EML6: variants seen among roughly 807,000 people sequenced by gnomAD.
EML6 encodes the protein echinoderm microtubule-associated protein-like 6.
Under a neutral mutation model 240.1 loss-of-function variants are expected in EML6, and 154 were observed. The ratio of observed to expected loss-of-function variants is 0.64; its 90% CI spans 0.56 to 0.73. The LOEUF (loss-of-function observed/expected upper bound fraction) is 0.73. Among genes scored for constraint, EML6 ranks in the 30% least tolerant of loss-of-function variants. The probability of loss-of-function intolerance (pLI) is 0.00; values close to 1 mark genes in which losing one functional copy is unlikely to be tolerated. For synonymous variants in EML6, 1,148 were observed against 899.0 expected (o/e 1.28, Z -4.95); for missense variants, 2,964 against 2,474.6 (o/e 1.20, Z -4.20).
chr2:54,943,368 C>T (rs575579604), intron 28 of EML6, among the ~76,000 whole-genome samples: 1 of 152,172 alleles, frequency 6.6e-6, no homozygotes, highest in Non-Finnish European at 1.5e-5. Context: ...GTGTCACTCT[C>T]CCACAGCCAG....
intron 3 of EML6, among the ~76,000 whole-genome samples, chr2:54,816,116 G>C (rs1037203066): frequency 1.3e-5 from 2 of 152,158 alleles, no homozygotes; most frequent in Non-Finnish European, 2.9e-5. Context: ...CTCCTTATAA[G>C]TGATATCCTG....
At chr2:54,884,983 G>A (rs1672044136) in intron 17 of EML6, among the ~76,000 whole-genome samples, 1 of 151,938 alleles carries the variant, frequency 6.6e-6, no homozygotes, top group Non-Finnish European at 1.5e-5. Context: ...AGATCAGCCC[G>A]GCCCCCGTCT....
chr2:54,848,739 C>T (rs547573745), intron 9 of EML6, among the ~76,000 whole-genome samples: 2 of 152,206 alleles, frequency 1.3e-5, no homozygotes, highest in East Asian at 3.9e-4. Flanking sequence ...TCCTGTCTCA[C>T]AATTGTAGGG....
intron 2 of EML6, among the ~76,000 whole-genome samples, chr2:54,787,877 G>C (rs564127818): frequency 1.3e-5 from 2 of 151,454 alleles, no homozygotes; most frequent in South Asian, 4.1e-4. Flanking sequence ...CCAGACCTAA[G>C]TTATTTGAAA....
intron 28 of EML6, among the ~76,000 whole-genome samples, chr2:54,931,719 C>T (rs1038280577): frequency 7.2e-5 from 11 of 152,094 alleles, no homozygotes; most frequent in Admixed American, 3.9e-4. Context: ...TAATGGGAGA[C>T]GAGTACTTGA....
intron 28 of EML6, among the ~76,000 whole-genome samples, chr2:54,947,350 G>A (rs1415229093): frequency 6.6e-6 from 1 of 152,132 alleles, no homozygotes; most frequent in African/African-American, 2.4e-5. Flanking sequence ...GATGTCAGCC[G>A]GGGGTGTCGT....
chr2:54,798,718 C>G (rs1342385684), intron 2 of EML6, among the ~76,000 whole-genome samples: 1 of 152,094 alleles, frequency 6.6e-6, no homozygotes, highest in Non-Finnish European at 1.5e-5. Flanking sequence ...AATTAGGATA[C>G]ACAATATCAT....
At position 54,844,187 on chromosome 2, in the gene EML6, G is replaced by A. The variant is rs745870299; in HGVS notation, c.988G>A (p.Ala330Thr). ...GGGCCACTGCGAGGGTGAGCTCTGG[G>A]CTCTGGCCCTGCACCCCAAGAAGCC... ...LQGHCEGELW[A>T]LALHPKKPLA... is the part of the protein sequence containing the mutation. The change falls in exon 8 of 42, where the codon GCT becomes ACT. Residue 330 changes from alanine (A) to threonine (T), a missense_variant. Physicochemically the swap from Ala to Thr is moderately conservative, Grantham distance 58. Transcript: ENST00000356458. The A allele has an allele frequency of 6.4e-7, 1 of 1,551,718 alleles. No individual in the cohort carries two copies. The highest frequency in any genetic ancestry group is 2.4e-5 in the East Asian group (1 of 40,916).
chr2:54,918,147 A>G (rs1490630653), intron 26 of EML6, among the ~76,000 whole-genome samples: 1 of 152,132 alleles, frequency 6.6e-6, no homozygotes, highest in Non-Finnish European at 1.5e-5. Flanking sequence ...AGTTTTATTT[A>G]TTTCTTCTCA....
At position 54,791,229 on chromosome 2, in the gene EML6, G is replaced by C. The variant is rs371867452; in HGVS notation, c.198-22003G>C. On this transcript the variant is annotated intron_variant, in intron 2 of 41. Transcript: ENST00000356458. ...GCACGTGGGAACACAGATGATGCCA[G>C]TACATGCCTGATCGGGAAGTGACGG... Among the ~76,000 whole-genome samples the C allele has an allele frequency of 5.9e-5, 9 of 152,302 alleles. No individual in the cohort carries two copies. The East Asian group carries it at 1.5e-3, about 26-fold the overall frequency.
chr2:54,862,575 G>A (rs561226355), intron 12 of EML6, among the ~76,000 whole-genome samples: 7 of 152,196 alleles, frequency 4.6e-5, no homozygotes, highest in African/African-American at 1.7e-4. Context: ...GCCAAAAAGA[G>A]AAGAGAGAGA....
intron 2 of EML6, among the ~76,000 whole-genome samples, chr2:54,779,157 G>T (rs1417927215): frequency 6.6e-6 from 1 of 152,168 alleles, no homozygotes; most frequent in African/African-American, 2.4e-5. Context: ...CTTGTCAGTG[G>T]TAGAACTAGG....
At chr2:54,935,603 C>G (rs764227124) in intron 28 of EML6, among the ~76,000 whole-genome samples, 3 of 152,226 alleles carry the variant, frequency 2.0e-5, no homozygotes, top group Non-Finnish European at 2.9e-5. Flanking sequence ...ATACCACCAT[C>G]TGAGCGTGCC....
chr2:54,753,146 G>C (rs1684250812), intron 2 of EML6, among the ~76,000 whole-genome samples: 2 of 152,350 alleles, frequency 1.3e-5, no homozygotes, highest in South Asian at 4.1e-4. Context: ...TAATGTATGA[G>C]AGTTCTAGTT....
chr2:54,898,770 A>T (rs529317666), intron 21 of EML6, among the ~76,000 whole-genome samples: 1 of 152,346 alleles, frequency 6.6e-6, no homozygotes, highest in South Asian at 2.1e-4. Flanking sequence ...ATTAGCCATT[A>T]AAAAGCCAAA....
intron 19 of EML6, 29 bp downstream of exon 19, chr2:54,892,685 C>T (rs777034365): frequency 6.6e-7 from 1 of 1,509,776 alleles, no homozygotes; most frequent in South Asian, 1.2e-5. Flanking sequence ...CATTCATTTT[C>T]CTCATCAGCC....
rs773509258 is a variant in EML6, at chr2:54,827,574, A to C, written c.534A>C (p.Thr178=). 7 of 1,551,348 alleles carry C rather than the reference A, an allele frequency of 4.5e-6. No individual in the cohort carries two copies. In the East Asian group the frequency reaches 1.7e-4, roughly 38 times the overall value. Residue 178 remains threonine (T), a synonymous_variant, in exon 6 of 42, where the codon ACA becomes ACC. Transcript: ENST00000356458. The part of the protein sequence containing the change: ...SCGVKHIKFW[T]LCGNALTAKR... ...TATCACTTACATTGTAGTTTTGGAC[A>C]CTGTGTGGAAATGCCCTGACTGCAA...
chr2:54,952,520 A>G, intron 30 of EML6, 74 bp from the exon 31 acceptor site: 1 of 856,310 alleles, frequency 1.2e-6, no homozygotes, highest in Non-Finnish European at 1.9e-6. Flanking sequence ...CAATGGCTCC[A>G]CGCGATGTTT....
chr2:54,814,320 G>C (rs1057498513), intron 3 of EML6, among the ~76,000 whole-genome samples: 1 of 152,126 alleles, frequency 6.6e-6, no homozygotes, highest in African/African-American at 2.4e-5. Flanking sequence ...AGTCTCCAAA[G>C]GTTTTCACAA....
Sources: allele counts gnomAD v4.1 joint callset (sites outside exome capture counted in the v4.1 genomes callset), GRCh38; gene constraint gnomAD v4.1.1; transcripts MANE v1.5; gene names NCBI Gene and HGNC (gene_info 2026-07-23, HGNC 2026-07-21).